The following CHRM3 variants were observed in gnomAD, a reference collection of about 807,000 sequenced individuals.
CHRM3 encodes the protein muscarinic acetylcholine receptor M3.
Under a neutral mutation model 41.8 loss-of-function variants are expected in CHRM3, and 11 were observed. That is an observed-to-expected ratio of 0.26 (90% CI 0.17 to 0.44). The LOEUF is 0.44. Ranked by LOEUF, CHRM3 falls within the 20% of genes least tolerant of loss-of-function variation. The pLI, the probability that CHRM3 is intolerant of heterozygous loss-of-function variation, is 1.00. For synonymous variants in CHRM3, 297 were observed against 301.4 expected (o/e 0.99, Z 0.15); for missense variants, 571 against 745.4 (o/e 0.77, Z 2.72).
Position 239,913,489 on chromosome 1 carries a change from T to G in CHRM3, c.*4265T>G, listed in dbSNP as rs546383859. The G allele has an allele frequency of 6.0e-6, 1 of 167,104 alleles. No homozygotes were observed. The highest frequency in any genetic ancestry group is 6.5e-5 in the Admixed American group (1 of 15,310). The allele number at this position is 167,104 out of a possible 1,614,324, so 10.4% of individuals were successfully genotyped here. A position where few individuals can be genotyped will look rare whatever the true frequency, so the allele number is the denominator to read the frequency against. On this transcript the variant is annotated 3_prime_UTR_variant, in exon 7 of 7. Transcript: ENST00000676153. ...GTTCAAGGACAAGTTTACTGCTTCC[T>G]TTCTACACGCTTAAGTTACACTCTC...
intron 1 of CHRM3, among the ~76,000 whole-genome samples, chr1:239,489,061 G>A (rs1017789857): frequency 1.3e-5 from 2 of 152,088 alleles, no homozygotes; most frequent in Non-Finnish European, 2.9e-5. Context: ...ACTTCTCCTC[G>A]ATCTTCTGCA....
chr1:239,881,947 C>A (rs574711682), intron 6 of CHRM3, among the ~76,000 whole-genome samples: 22 of 152,194 alleles, frequency 1.4e-4, no homozygotes, highest in African/African-American at 5.1e-4. Flanking sequence ...CTCTTGTCGC[C>A]CAGGCTGGAG....
chr1:239,501,669 C>T (rs1006723713), intron 2 of CHRM3, among the ~76,000 whole-genome samples: 1 of 152,018 alleles, frequency 6.6e-6, no homozygotes, highest in Non-Finnish European at 1.5e-5. Flanking sequence ...TTCTGGCTAA[C>T]ACAGTGAAAC....
At chr1:239,633,392 C>T (rs1670085677) in intron 4 of CHRM3, among the ~76,000 whole-genome samples, 1 of 152,130 alleles carries the variant, frequency 6.6e-6, no homozygotes, top group African/African-American at 2.4e-5. Flanking sequence ...GGGGAAACCA[C>T]CTTCATGATC....
At chr1:239,397,988 T>C (rs1659641931) in intron 1 of CHRM3, among the ~76,000 whole-genome samples, 1 of 151,980 alleles carries the variant, frequency 6.6e-6, no homozygotes, top group African/African-American at 2.4e-5. Flanking sequence ...TAAGTCTTCA[T>C]AATGATGAAT....
At chr1:239,891,411 G>A (rs891800266) in intron 6 of CHRM3, among the ~76,000 whole-genome samples, 9 of 151,846 alleles carry the variant, frequency 5.9e-5, no homozygotes, top group Admixed American at 1.3e-4. Context: ...GAAAAATGAC[G>A]AGGTTCATGA....
chr1:239,435,283 C>G (rs1663152944), intron 1 of CHRM3, among the ~76,000 whole-genome samples: 1 of 151,910 alleles, frequency 6.6e-6, no homozygotes, highest in Non-Finnish European at 1.5e-5. Context: ...AACCCCGTCT[C>G]TACTAAAAAT....
Position 239,589,638 on chromosome 1 carries a change from C to CTATATATATATATA in CHRM3, c.-312-42567_-312-42554dup, listed in dbSNP as rs10592228. ...AATTTCCATGCATATATATAAAAAA[C>CTATATATATATATA]TATATATATATATATATATATATAT... is the stretch of plus-strand genomic sequence containing the variant. On this transcript the variant is annotated intron_variant, in intron 3 of 6. Coordinates refer to ENST00000676153, the MANE Select transcript of CHRM3 (RefSeq NM_001375978.1). Among the ~76,000 whole-genome samples the CTATATATATATATA allele has an allele frequency of 1.4e-4, 18 of 124,914 alleles. 1 individual carries two copies. Among genetic ancestry groups the CTATATATATATATA allele is most frequent in the African/African-American group, 5.3e-4 (18 of 33,826 alleles). The allele number at this position is 124,914 out of a possible 152,430, so 81.9% of individuals were successfully genotyped here.
chr1:239,817,473 AGTACCACT>A (rs1329717391), intron 5 of CHRM3, among the ~76,000 whole-genome samples: 6 of 152,056 alleles, frequency 3.9e-5, no homozygotes, highest in African/African-American at 1.4e-4. Flanking sequence ...GACAGAATCC[AGTACCACT>A]GAGATCACCA....
intron 1 of CHRM3, among the ~76,000 whole-genome samples, chr1:239,402,335 C>T (rs1660049420): frequency 6.6e-6 from 1 of 152,206 alleles, no homozygotes; most frequent in Admixed American, 6.5e-5. Context: ...TCCTAAACTG[C>T]ACCACATTAA....
chr1:239,857,934 T>C (rs1191152982), intron 6 of CHRM3, among the ~76,000 whole-genome samples: 1 of 152,188 alleles, frequency 6.6e-6, no homozygotes, highest in Non-Finnish European at 1.5e-5. Context: ...CCCCGAACAT[T>C]ATCTTATGTG....
chr1:239,496,771 A>T (rs960875030), intron 2 of CHRM3, among the ~76,000 whole-genome samples: 11 of 152,034 alleles, frequency 7.2e-5, no homozygotes, highest in African/African-American at 2.7e-4. Flanking sequence ...AACTTTCTGC[A>T]GTTAGGGTCC....
chr1:239,553,057 A>G (rs1045837657), intron 3 of CHRM3, among the ~76,000 whole-genome samples: 1 of 152,036 alleles, frequency 6.6e-6, no homozygotes, highest in Non-Finnish European at 1.5e-5. Context: ...CAAGGACTCC[A>G]TTATCATCTT....
At chr1:239,390,317 T>C (rs1202656403) in intron 1 of CHRM3, among the ~76,000 whole-genome samples, 4 of 152,198 alleles carry the variant, frequency 2.6e-5, no homozygotes, top group Admixed American at 2.6e-4. Flanking sequence ...AGCCCTGTTC[T>C]GAAAAATTAC....
At chr1:239,399,950 T>C (rs1659824548) in intron 1 of CHRM3, among the ~76,000 whole-genome samples, 1 of 152,172 alleles carries the variant, frequency 6.6e-6, no homozygotes, top group African/African-American at 2.4e-5. Flanking sequence ...TCTCACTCTG[T>C]TGCCCAGGCT....
At chr1:239,594,165 T>G (rs1473927501) in intron 3 of CHRM3, among the ~76,000 whole-genome samples, 2 of 152,262 alleles carry the variant, frequency 1.3e-5, no homozygotes, top group Non-Finnish European at 2.9e-5. Context: ...AAAAGTGAAG[T>G]ACTTCATATT....
chr1:239,440,668 T>C (rs1200538876), intron 1 of CHRM3, among the ~76,000 whole-genome samples: 1 of 152,184 alleles, frequency 6.6e-6, no homozygotes, highest in Non-Finnish European at 1.5e-5. Context: ...AGTGATGTTT[T>C]CTTTGGTCTC....
At position 239,581,297 on chromosome 1, in the gene CHRM3, G is replaced by A. The variant is rs565201233; in HGVS notation, c.-313+35548G>A. ...TCTAAGTATCCCTATGTTTTAAAGA[G>A]AATAGATATTGCTCTCCTTTTTCAG... On this transcript the variant is annotated intron_variant, in intron 3 of 6. Coordinates refer to ENST00000676153, the MANE Select transcript of CHRM3 (RefSeq NM_001375978.1). 1.3e-5 allele frequency among the ~76,000 whole-genome samples: 2 copies of A among 152,186 alleles called. 1 individual carries two copies. Among genetic ancestry groups the A allele is most frequent in the South Asian group, 4.2e-4 (2 of 4,808 alleles).
At chr1:239,637,711 T>C (rs574486609) in intron 4 of CHRM3, among the ~76,000 whole-genome samples, 2 of 126,126 alleles carry the variant, frequency 1.6e-5, no homozygotes, top group Non-Finnish European at 3.4e-5. Flanking sequence ...CACATTTTTC[T>C]TTTTTTTTTT....
Sources: gnomAD v4.1 joint callset for allele counts (sites outside exome capture counted in the v4.1 genomes callset) on GRCh38, gnomAD v4.1.1 for gene constraint, MANE v1.5 for transcripts, NCBI Gene and HGNC (gene_info 2026-07-23, HGNC 2026-07-21) for gene names.